CDK17: variants seen among roughly 807,000 people sequenced by gnomAD.
CDK17 encodes the protein cyclin-dependent kinase 17.
Under a neutral mutation model 77.6 loss-of-function variants are expected in CDK17, and 24 were observed. The ratio of observed to expected loss-of-function variants is 0.31; its 90% CI spans 0.22 to 0.44. The LOEUF is 0.44. Among genes scored for constraint, CDK17 ranks in the 20% least tolerant of loss-of-function variants. CDK17 has a pLI of 1.00. For synonymous variants in CDK17, 203 were observed against 210.4 expected (o/e 0.96, Z 0.30); for missense variants, 429 against 622.5 (o/e 0.69, Z 3.31).
chr12:96,376,573 C>G (rs1319179066), intron 1 of CDK17, among the ~76,000 whole-genome samples: 1 of 152,182 alleles, frequency 6.6e-6, no homozygotes, highest in African/African-American at 2.4e-5. Context: ...AAGCTCAGTT[C>G]AGTGACACTA....
chr12:96,294,395 C>T lies in CDK17; in HGVS notation c.997+604G>A, dbSNP rs557431038. On this transcript the variant is annotated intron_variant, in intron 10 of 16. Coordinates refer to ENST00000261211, the MANE Select transcript of CDK17 (RefSeq NM_002595.5). ...CCACCTGAGGTCAGGAGTTCGAGATCAGCCTGACCAACATGGTGGTCACGC... is the reference window on the plus strand; with the variant it reads ...CCACCTGAGGTCAGGAGTTCGAGATTAGCCTGACCAACATGGTGGTCACGC... Among the ~76,000 whole-genome samples, 3 of 151,620 alleles carry T rather than the reference C, an allele frequency of 2.0e-5. No individual in the cohort carries two copies. The East Asian group carries it at 5.9e-4, about 30-fold the overall frequency.
intron 2 of CDK17, among the ~76,000 whole-genome samples, chr12:96,330,549 G>A (rs975168310): frequency 6.6e-6 from 1 of 152,016 alleles, no homozygotes; most frequent in African/African-American, 2.4e-5. Context: ...TCAGCCTCTG[G>A]GAACCACTCA....
At chr12:96,374,969 G>A (rs1024971666) in intron 1 of CDK17, among the ~76,000 whole-genome samples, 1 of 151,764 alleles carries the variant, frequency 6.6e-6, no homozygotes, top group African/African-American at 2.4e-5. Flanking sequence ...TCACACAACA[G>A]AACAGTTTGA....
intron 1 of CDK17, among the ~76,000 whole-genome samples, chr12:96,355,404 T>G (rs1348603641): frequency 6.7e-5 from 9 of 135,098 alleles, no homozygotes; most frequent in Admixed American, 2.2e-4. Flanking sequence ...TTGGGTTTTT[T>G]TTTTTTTTTT....
At chr12:96,324,810 A>G (rs1952871999) in intron 2 of CDK17, among the ~76,000 whole-genome samples, 1 of 152,092 alleles carries the variant, frequency 6.6e-6, no homozygotes, top group African/African-American at 2.4e-5. Context: ...TAGAATATAA[A>G]AGACATGGTC....
chr12:96,312,283 C>G (rs1219466197), intron 4 of CDK17, among the ~76,000 whole-genome samples: 1 of 151,818 alleles, frequency 6.6e-6, no homozygotes, highest in African/African-American at 2.4e-5. Context: ...TCTCATAAAC[C>G]AGAAAAAAAT....
At position 96,400,378 on chromosome 12, in the gene CDK17, C is replaced by G. The variant is rs1423545793; in HGVS notation, c.-422G>C. On this transcript the variant is annotated 5_prime_UTR_variant, in exon 1 of 17. Transcript: ENST00000261211. ...GGCGGCCCGCGGGGAGCTCAGGAGACTGCGGGCGGCCGCGTTCGCTCCTTG... is the reference window on the plus strand; with the variant it reads ...GGCGGCCCGCGGGGAGCTCAGGAGAGTGCGGGCGGCCGCGTTCGCTCCTTG... The G allele has an allele frequency of 2.6e-6, 1 of 385,258 alleles. No homozygotes were observed. The highest frequency in any genetic ancestry group is 4.6e-6 in the Non-Finnish European group (1 of 217,892). The allele number at this position is 385,258 out of a possible 1,614,324, so 23.9% of individuals were successfully genotyped here.
Position 96,298,996 on chromosome 12 carries a change from T to TA in CDK17, c.601-14_601-13insT. 3.1e-6 allele frequency: 4 copies of TA among 1,291,528 alleles called. No homozygotes were observed. The highest frequency in any genetic ancestry group is 4.4e-6 in the Non-Finnish European group (4 of 899,500). The allele number at this position is 1,291,528 out of a possible 1,614,324, so 80.0% of individuals were successfully genotyped here. ...TTGCATATGTACCCTATAAAATATA[T>TA]TTTTAAAGGACGCATCAAAAGTATC... On this transcript the variant is annotated splice_polypyrimidine_tract_variant and intron_variant, in intron 6 of 16. Transcript: ENST00000261211.
chr12:96,341,314 TACATAC>T (rs1953118310), intron 1 of CDK17, among the ~76,000 whole-genome samples: 1 of 66,282 alleles, frequency 1.5e-5, no homozygotes, highest in Non-Finnish European at 3.2e-5. Flanking sequence ...ACTTATCATA[TACATAC>T]ACACACACAC....
At chr12:96,380,487 C>T (rs372814405) in intron 1 of CDK17, among the ~76,000 whole-genome samples, 20 of 152,134 alleles carry the variant, frequency 1.3e-4, no homozygotes, top group Non-Finnish European at 1.6e-4. Context: ...GACGGGGTTT[C>T]GCCATCTTGG....
intron 1 of CDK17, among the ~76,000 whole-genome samples, chr12:96,377,300 C>T (rs1440932799): frequency 6.6e-6 from 1 of 151,962 alleles, no homozygotes; most frequent in African/African-American, 2.4e-5. Context: ...ATTACTTCAC[C>T]ATATAAAAGT....
At chr12:96,335,018 A>G (rs1276214905) in intron 1 of CDK17, 153 bp from the exon 2 acceptor site, 4 of 677,698 alleles carry the variant, frequency 5.9e-6, no homozygotes, top group African/African-American at 5.3e-5. Context: ...CCTTTTTTAA[A>G]AAGATTCACC....
At chr12:96,357,661 AGC>A (rs1200990967) in intron 1 of CDK17, among the ~76,000 whole-genome samples, 1 of 152,188 alleles carries the variant, frequency 6.6e-6, no homozygotes, top group Non-Finnish European at 1.5e-5. Context: ...TAACTGATAA[AGC>A]AAGCACTGAG....
chr12:96,382,487 G>C (rs1022770324), intron 1 of CDK17, among the ~76,000 whole-genome samples: 1 of 151,986 alleles, frequency 6.6e-6, no homozygotes, highest in Non-Finnish European at 1.5e-5. Context: ...TATCAAGGAG[G>C]GTTTCCTCCC....
intron 1 of CDK17, among the ~76,000 whole-genome samples, chr12:96,349,356 G>A (rs1458278119): frequency 1.3e-5 from 2 of 152,042 alleles, no homozygotes; most frequent in East Asian, 3.9e-4. Context: ...AGGAGGTTGA[G>A]GCGGGAGAAT....
At chr12:96,387,542 T>C (rs1296263340) in intron 1 of CDK17, among the ~76,000 whole-genome samples, 2 of 152,178 alleles carry the variant, frequency 1.3e-5, no homozygotes, top group East Asian at 1.9e-4. Flanking sequence ...TAAACAATAA[T>C]ATAATACTAA....
intron 3 of CDK17, among the ~76,000 whole-genome samples, chr12:96,316,317 T>A (rs1952716984): frequency 6.7e-6 from 1 of 149,200 alleles, no homozygotes. Context: ...GCCCACGGAG[T>A]CTTGCTGATT....
chr12:96,389,777 A>G (rs1954037285), intron 1 of CDK17, among the ~76,000 whole-genome samples: 1 of 152,104 alleles, frequency 6.6e-6, no homozygotes, highest in East Asian at 1.9e-4. Context: ...TTTAAAATAA[A>G]TTTATTACTT....
Position 96,386,426 on chromosome 12 carries a change from A to C in CDK17, c.-30+13560T>G, listed in dbSNP as rs184067806. On this transcript the variant is annotated intron_variant, in intron 1 of 16. Coordinates refer to ENST00000261211, the MANE Select transcript of CDK17 (RefSeq NM_002595.5). ...CACTTTGGGAGGCCAAGGTGGGAGGATCACTTGAGCCCAGAAGTTTGAGAC... is the reference window on the plus strand; with the variant it reads ...CACTTTGGGAGGCCAAGGTGGGAGGCTCACTTGAGCCCAGAAGTTTGAGAC... 2.3e-3 allele frequency among the ~76,000 whole-genome samples: 344 copies of C among 152,226 alleles called. 1 individual carries two copies. The highest frequency in any genetic ancestry group is 4.0e-3 in the Non-Finnish European group (275 of 68,006).
Sources: gnomAD v4.1 joint callset for allele counts (sites outside exome capture counted in the v4.1 genomes callset) on GRCh38, gnomAD v4.1.1 for gene constraint, MANE v1.5 for transcripts, NCBI Gene and HGNC (gene_info 2026-07-23, HGNC 2026-07-21) for gene names.